RFT1: variants seen among roughly 807,000 people sequenced by gnomAD.
The protein encoded by RFT1 is RFT1 glycolipid translocator homolog, also known as man(5)GlcNAc(2)-PP-dolichol translocation protein RFT1.
A neutral mutation model predicts 62.2 loss-of-function variants in RFT1; 43 were observed. The observed-to-expected ratio is 0.69, with a 90% CI of 0.54 to 0.89. The LOEUF is 0.89. Among genes scored for constraint, RFT1 ranks in the 40% least tolerant of loss-of-function variants. RFT1 has a pLI of 0.00. For synonymous variants in RFT1, 262 were observed against 264.6 expected, an observed-to-expected ratio of 0.99 and a Z score of 0.10; for missense variants, 605 against 649.9, an observed-to-expected ratio of 0.93 and a Z score of 0.75.
intron 6 of RFT1, among the ~76,000 whole-genome samples, chr3:53,112,775 C>T (rs1182692024): frequency 6.6e-6 from 1 of 152,088 alleles, no homozygotes; most frequent in African/African-American, 2.4e-5. Context: ...CTCCCAGCGG[C>T]ACCAAATGGC....
chr3:53,082,747 G>A, the RFT1 span, among the ~76,000 whole-genome samples: 1 of 152,198 alleles, frequency 6.6e-6, no homozygotes, highest in Admixed American at 6.5e-5. Flanking sequence ...CTCTGTAACT[G>A]CTGGAGTGGG....
intron 6 of RFT1, among the ~76,000 whole-genome samples, chr3:53,112,383 C>T (rs1433224398): frequency 1.3e-5 from 2 of 152,214 alleles, no homozygotes; most frequent in Admixed American, 1.3e-4. Flanking sequence ...CTTCGCAGGT[C>T]AGGTAAACCA....
intron 1 of RFT1, among the ~76,000 whole-genome samples, chr3:53,129,590 A>G (rs761459113): frequency 2.6e-5 from 4 of 152,206 alleles, no homozygotes; most frequent in Non-Finnish European, 5.9e-5. Context: ...TAAGAGGTTC[A>G]GCTCCTGGGG....
chr3:53,119,333 T>C (rs56398779), intron 6 of RFT1, among the ~76,000 whole-genome samples: 2,402 of 152,218 alleles, frequency 0.016, 58 homozygotes, highest in African/African-American at 0.053. Context: ...AACACAATGG[T>C]GGAGCCTGTG....
chr3:53,075,265 A>C, the RFT1 span, among the ~76,000 whole-genome samples: 1 of 152,194 alleles, frequency 6.6e-6, no homozygotes, highest in Non-Finnish European at 1.5e-5. Context: ...TTGCAGATGA[A>C]ATCCTGGTGA....
chr3:53,125,526 G>A (rs1008872420), intron 2 of RFT1, among the ~76,000 whole-genome samples: 6 of 152,204 alleles, frequency 3.9e-5, no homozygotes, highest in Non-Finnish European at 7.3e-5. Context: ...ATTATGAAGC[G>A]CATCCTCACA....
At chr3:53,124,642 G>A (rs1484681928) in intron 2 of RFT1, among the ~76,000 whole-genome samples, 1 of 152,136 alleles carries the variant, frequency 6.6e-6, no homozygotes, top group Non-Finnish European at 1.5e-5. Flanking sequence ...AGGAGGATTT[G>A]CCCCTCTTCC....
chr3:53,084,017 T>C (rs1337871124), downstream of RFT1, among the ~76,000 whole-genome samples: 1 of 64,690 alleles, frequency 1.5e-5, no homozygotes, highest in East Asian at 4.8e-4. Flanking sequence ...TCTAGTTTGG[T>C]TGGGATTCTG....
the RFT1 span, among the ~76,000 whole-genome samples, chr3:53,071,008 G>A: frequency 1.3e-5 from 2 of 152,060 alleles, no homozygotes; most frequent in East Asian, 3.9e-4. Flanking sequence ...TGGGATTACA[G>A]GCATGAGCCA....
chr3:53,095,091 C>A (rs188863302), intron 11 of RFT1, among the ~76,000 whole-genome samples: 18 of 150,398 alleles, frequency 1.2e-4, no homozygotes. Flanking sequence ...CATGGTGAAA[C>A]CCTGTCTCTA....
At chr3:53,098,581 T>C (rs1701212710) in intron 11 of RFT1, among the ~76,000 whole-genome samples, 1 of 151,872 alleles carries the variant, frequency 6.6e-6, no homozygotes, top group Non-Finnish European at 1.5e-5. Context: ...GGCGGGAGAA[T>C]CACAAGGTCA....
intron 7 of RFT1, among the ~76,000 whole-genome samples, chr3:53,111,498 T>A (rs1701648257): frequency 6.6e-6 from 1 of 152,136 alleles, no homozygotes; most frequent in Non-Finnish European, 1.5e-5. Context: ...GGTTTTGGAG[T>A]TAGACCTGGA....
At chr3:53,083,014 G>T in the RFT1 span, among the ~76,000 whole-genome samples, 7 of 150,632 alleles carry the variant, frequency 4.6e-5, no homozygotes, top group African/African-American at 1.7e-4. Flanking sequence ...TGGCCAAAAT[G>T]GTGAAACCCC....
chr3:53,114,744 C>G (rs1559593221), intron 6 of RFT1, among the ~76,000 whole-genome samples: 1 of 151,934 alleles, frequency 6.6e-6, no homozygotes, highest in Non-Finnish European at 1.5e-5. Flanking sequence ...CCTCACTGTA[C>G]TAACGGAGAA....
intron 10 of RFT1, among the ~76,000 whole-genome samples, chr3:53,100,694 TATAAA>T (rs1176598318): frequency 6.6e-6 from 1 of 152,208 alleles, no homozygotes; most frequent in Non-Finnish European, 1.5e-5. Context: ...ATTTCATTGA[TATAAA>T]ATTACTTTTA....
chr3:53,072,290 C>A, the RFT1 span, among the ~76,000 whole-genome samples: 1 of 152,120 alleles, frequency 6.6e-6, no homozygotes, highest in Non-Finnish European at 1.5e-5. Context: ...CGGGCGGGAA[C>A]CCTGGTCCAC....
rs1171496764 is a variant in RFT1 at position 53,091,360 on chromosome 3, AG to A, written c.*542del. On this transcript the variant is annotated 3_prime_UTR_variant, in exon 13 of 13. Coordinates refer to ENST00000296292, the MANE Select transcript of RFT1 (RefSeq NM_052859.4). ...TCATTTCTTGGATTTCTCACTGAGT[AG>A]CATTTTTCCTTCTCTAAAAACTCAG... 6.1e-6 allele frequency: 1 copy of A among 163,610 alleles called. No individual in the cohort carries two copies. The highest frequency in any genetic ancestry group is 1.3e-5 in the Non-Finnish European group (1 of 74,158). 10.1% of individuals were successfully genotyped at this position (163,610 alleles called of 1,614,324 possible). A position where few individuals can be genotyped will look rare whatever the true frequency, so the allele number is the denominator to read the frequency against.
At chr3:53,087,212 G>A (rs376886777), downstream of RFT1, among the ~76,000 whole-genome samples, 8 of 152,156 alleles carry the variant, frequency 5.3e-5, no homozygotes, top group East Asian at 1.9e-4. Context: ...ACTCCAGCCC[G>A]GGCAACAGAA....
chr3:53,097,256 C>T (rs902659525), intron 11 of RFT1, among the ~76,000 whole-genome samples: 1 of 151,982 alleles, frequency 6.6e-6, no homozygotes, highest in East Asian at 1.9e-4. Flanking sequence ...AAAAAAAATG[C>T]CAACGTCTGT....
Sources: allele counts gnomAD v4.1 joint callset (sites outside exome capture counted in the v4.1 genomes callset), GRCh38; gene constraint gnomAD v4.1.1; transcripts MANE v1.5; gene names NCBI Gene and HGNC (gene_info 2026-07-23, HGNC 2026-07-21).